The following RTN3 variants were observed in gnomAD, a reference collection of about 807,000 sequenced individuals.
The protein encoded by RTN3 is reticulon-3.
In RTN3, 49 loss-of-function variants were observed where a neutral mutation model predicts 77.8. The ratio of observed to expected loss-of-function variants is 0.63; its 90% CI spans 0.50 to 0.80. RTN3 has a LOEUF of 0.80. Ranked by LOEUF, RTN3 falls within the 30% of genes least tolerant of loss-of-function variation. The pLI, the probability that RTN3 is intolerant of heterozygous loss-of-function variation, is 0.00. For synonymous variants in RTN3, 464 were observed against 446.9 expected (o/e 1.04, Z -0.48); for missense variants, 1,236 against 1,211.9 (o/e 1.02, Z -0.29).
In RTN3 at chr11:63,742,651, A is replaced by C. The variant is rs187025707; in HGVS notation, c.2531-7340A>C. Among the ~76,000 whole-genome samples the C allele has an allele frequency of 2.3e-3, 346 of 152,106 alleles. 3 individuals carry two copies. Among genetic ancestry groups the C allele is most frequent in the South Asian group, 0.016 (75 of 4,810 alleles). ...CAAGAACAAAACTCCATCACACACA[A>C]AAAAAAGAAAGGATTGTGATTAAAG... On this transcript the variant is annotated intron_variant, in intron 3 of 8. Transcript: ENST00000377819.
intron 1 of RTN3, among the ~76,000 whole-genome samples, chr11:63,692,546 CAGG>C (rs1941717371): frequency 6.6e-6 from 1 of 152,006 alleles, no homozygotes; most frequent in Non-Finnish European, 1.5e-5. Context: ...ATCACGAGGT[CAGG>C]AGATGGAGAC....
At chr11:63,732,997 A>G (rs1565331941) in intron 3 of RTN3, among the ~76,000 whole-genome samples, 1 of 152,188 alleles carries the variant, frequency 6.6e-6, no homozygotes, top group Non-Finnish European at 1.5e-5. Context: ...TACAGGATAT[A>G]CAGGATACAA....
At chr11:63,749,080 G>C (rs1434567491) in intron 3 of RTN3, among the ~76,000 whole-genome samples, 1 of 152,116 alleles carries the variant, frequency 6.6e-6, no homozygotes, top group African/African-American at 2.4e-5. Flanking sequence ...CCAGGAGTTC[G>C]AGACTAGCCT....
intron 1 of RTN3, among the ~76,000 whole-genome samples, chr11:63,704,527 G>A (rs1034563881): frequency 6.6e-6 from 1 of 151,924 alleles, no homozygotes; most frequent in Admixed American, 6.6e-5. Context: ...CCCACACAGA[G>A]TAGCAGAGCA....
At chr11:63,691,809 G>A (rs1171652804) in intron 1 of RTN3, among the ~76,000 whole-genome samples, 5 of 152,050 alleles carry the variant, frequency 3.3e-5, no homozygotes, top group African/African-American at 4.8e-5. Flanking sequence ...TGTAGATGCC[G>A]CCTATCTGGT....
chr11:63,726,898 G>A (rs2012321097), intron 3 of RTN3, among the ~76,000 whole-genome samples: 1 of 131,670 alleles, frequency 7.6e-6, no homozygotes, highest in Non-Finnish European at 1.6e-5. Flanking sequence ...AGCCGAGTTT[G>A]TAGTTTGAAG....
intron 1 of RTN3, among the ~76,000 whole-genome samples, chr11:63,688,149 T>C (rs1404922858): frequency 2.0e-5 from 3 of 152,006 alleles, no homozygotes; most frequent in Non-Finnish European, 4.4e-5. Context: ...GCAAGAATGG[T>C]CATGTCAATA....
At chr11:63,732,262 G>A (rs927832370) in intron 3 of RTN3, among the ~76,000 whole-genome samples, 1 of 152,094 alleles carries the variant, frequency 6.6e-6, no homozygotes, top group Non-Finnish European at 1.5e-5. Flanking sequence ...GGGCTTCAGC[G>A]ATCCTCCTGC....
chr11:63,713,715 A>G (rs559771382), intron 2 of RTN3, among the ~76,000 whole-genome samples: 7 of 152,334 alleles, frequency 4.6e-5, no homozygotes, highest in African/African-American at 1.7e-4. Flanking sequence ...GAATATCCAC[A>G]CTAAATTCCA....
At chr11:63,751,964 C>T (rs1256517351) in intron 4 of RTN3, among the ~76,000 whole-genome samples, 8 of 151,960 alleles carry the variant, frequency 5.3e-5, no homozygotes, top group Non-Finnish European at 1.2e-4. Flanking sequence ...TGCACTCCAA[C>T]CTGGGCAACT....
In RTN3 at chr11:63,722,905, G is replaced by A. The variant is rs182456079; in HGVS notation, c.2530+1873G>A. Among the ~76,000 whole-genome samples, 672 of 152,244 alleles carry A rather than the reference G, an allele frequency of 4.4e-3. 5 individuals are homozygous for A. Among genetic ancestry groups the A allele is most frequent in the Non-Finnish European group, 6.8e-3 (465 of 68,010 alleles). ...TCCTCAGTTGTCATAATTCTTACAG[G>A]TAGTAACTTTTGGGCAATAAGGCAT... On this transcript the variant is annotated intron_variant, in intron 3 of 8. Transcript: ENST00000377819.
chr11:63,726,648 ATCAGGAGT>A (rs1405416440), intron 3 of RTN3, among the ~76,000 whole-genome samples: 1 of 152,156 alleles, frequency 6.6e-6, no homozygotes, highest in Non-Finnish European at 1.5e-5. Context: ...GGATCACGAG[ATCAGGAGT>A]TCAAGACCAG....
chr11:63,681,598 A>G lies in RTN3; in HGVS notation c.-39A>G. 6.5e-7 allele frequency: 1 copy of G among 1,544,264 alleles called. No homozygotes were observed. Among genetic ancestry groups the G allele is most frequent in the Non-Finnish European group, 8.7e-7 (1 of 1,143,350 alleles). ...TTCCCCTCCCTCTCTCCCGCCCCGT[A>G]TCTCTTTTCACCCTTCTCCCACCCT... is the stretch of plus-strand genomic sequence containing the variant. On this transcript the variant is annotated 5_prime_UTR_variant, in exon 1 of 9. Transcript: ENST00000377819.
At chr11:63,725,180 G>A (rs2012153868) in intron 3 of RTN3, among the ~76,000 whole-genome samples, 1 of 151,882 alleles carries the variant, frequency 6.6e-6, no homozygotes, top group Admixed American at 6.6e-5. Flanking sequence ...CATCCTTCCA[G>A]TTTATTTTAA....
chr11:63,689,490 A>G (rs1590776489), intron 1 of RTN3, among the ~76,000 whole-genome samples: 1 of 151,924 alleles, frequency 6.6e-6, no homozygotes, highest in Admixed American at 6.6e-5. Context: ...AAGACATGTT[A>G]CTCTGTGATA....
chr11:63,696,075 C>G (rs552295111), intron 1 of RTN3, among the ~76,000 whole-genome samples: 1 of 148,984 alleles, frequency 6.7e-6, no homozygotes, highest in African/African-American at 2.5e-5. Context: ...ATTATTAGAC[C>G]TTTGTTAAGT....
intron 1 of RTN3, among the ~76,000 whole-genome samples, chr11:63,699,443 C>G (rs941355184): frequency 6.6e-6 from 1 of 152,200 alleles, no homozygotes; most frequent in Non-Finnish European, 1.5e-5. Flanking sequence ...CAGCAGTCCT[C>G]TCATTCCCAT....
intron 1 of RTN3, among the ~76,000 whole-genome samples, chr11:63,692,528 G>A (rs1053299255): frequency 3.9e-5 from 6 of 151,952 alleles, no homozygotes; most frequent in Non-Finnish European, 8.8e-5. Flanking sequence ...GGAGGCTGAG[G>A]CAGACAGATC....
At chr11:63,724,862 T>C (rs762782853) in intron 3 of RTN3, among the ~76,000 whole-genome samples, 5 of 152,044 alleles carry the variant, frequency 3.3e-5, no homozygotes, top group African/African-American at 4.8e-5. Context: ...TTTATGATAG[T>C]GGCAGATATC....
Sources: gnomAD v4.1 joint callset for allele counts (sites outside exome capture counted in the v4.1 genomes callset) on GRCh38, gnomAD v4.1.1 for gene constraint, MANE v1.5 for transcripts, NCBI Gene and HGNC (gene_info 2026-07-23, HGNC 2026-07-21) for gene names.